The following AGPAT3 variants were observed in gnomAD, a reference collection of about 807,000 sequenced individuals.
AGPAT3 encodes the protein 1-acyl-sn-glycerol-3-phosphate acyltransferase gamma.
A neutral mutation model predicts 47.3 loss-of-function variants in AGPAT3; 5 were observed. That is an observed-to-expected ratio of 0.11 (90% CI 0.06 to 0.22). AGPAT3 has a LOEUF of 0.22. Ranked by LOEUF, AGPAT3 falls within the 10% of genes least tolerant of loss-of-function variation. The probability of loss-of-function intolerance (pLI) is 1.00; values close to 1 mark genes in which losing one functional copy is unlikely to be tolerated. For synonymous variants in AGPAT3, 212 were observed against 208.3 expected (o/e 1.02, Z -0.15); for missense variants, 315 against 493.0 (o/e 0.64, Z 3.42).
Position 43,985,659 on chromosome 21 carries a change from G to C in AGPAT3, c.*3267G>C, listed in dbSNP as rs1260841399. 2 of 205,932 alleles carry C rather than the reference G, an allele frequency of 9.7e-6. No homozygotes were observed. The highest frequency in any genetic ancestry group is 4.7e-5 in the African/African-American group (2 of 42,554). 12.8% of individuals were successfully genotyped at this position (205,932 alleles called of 1,614,324 possible). A position where few individuals can be genotyped will look rare whatever the true frequency, so the allele number is the denominator to read the frequency against. ...TGGGGTCAGATTTGGGGTGAAGAAT[G>C]AGTAAGTTTCTGCATGCTTTGTCTC... On this transcript the variant is annotated 3_prime_UTR_variant, in exon 10 of 10. Transcript: ENST00000291572.
At chr21:43,870,131 C>T (rs988515851) in intron 1 of AGPAT3, among the ~76,000 whole-genome samples, 1 of 152,196 alleles carries the variant, frequency 6.6e-6, no homozygotes, top group Non-Finnish European at 1.5e-5. Flanking sequence ...CCACAGCCGT[C>T]CTCCTTGGAC....
chr21:43,871,213 GA>G (rs1262138701), intron 1 of AGPAT3, among the ~76,000 whole-genome samples: 1 of 152,178 alleles, frequency 6.6e-6, no homozygotes, highest in Non-Finnish European at 1.5e-5. Flanking sequence ...TGCAGGAAGA[GA>G]GGGGGAAAAA....
In AGPAT3 at chr21:43,932,387, C is replaced by CGA. The variant is rs2087281251; in HGVS notation, c.-48-27247_-48-27246insGA. Among the ~76,000 whole-genome samples the CGA allele has an allele frequency of 6.6e-6, 1 of 152,178 alleles. No homozygotes were observed. Among genetic ancestry groups the CGA allele is most frequent in the Non-Finnish European group, 1.5e-5 (1 of 68,036 alleles). On this transcript the variant is annotated intron_variant, in intron 2 of 9. Coordinates refer to ENST00000291572, the MANE Select transcript of AGPAT3 (RefSeq NM_020132.5). This position sits in a 1 kb window ranked among gnomAD's most constrained non-coding sequence, Gnocchi z 5.2. ...TGTCGTTCTGTGACTGGCTGATTATCCACTTAGTGTCGGGTCTACCACGTT... is the reference window on the plus strand; with the variant it reads ...TGTCGTTCTGTGACTGGCTGATTATCGACACTTAGTGTCGGGTCTACCACGTT...
At chr21:43,963,054 G>A (rs2088953089) in intron 3 of AGPAT3, among the ~76,000 whole-genome samples, 1 of 152,190 alleles carries the variant, frequency 6.6e-6, no homozygotes, top group African/African-American at 2.4e-5. Flanking sequence ...AGTGAAAACT[G>A]TAGATATTTT....
chr21:43,872,638 A>G (rs2085646195), intron 1 of AGPAT3, among the ~76,000 whole-genome samples: 1 of 152,190 alleles, frequency 6.6e-6, no homozygotes, highest in African/African-American at 2.4e-5. Flanking sequence ...CATTCACGTC[A>G]TGTGGGAGTG....
At chr21:43,871,422 A>G (rs1252189489) in intron 1 of AGPAT3, among the ~76,000 whole-genome samples, 1 of 152,246 alleles carries the variant, frequency 6.6e-6, no homozygotes, top group Non-Finnish European at 1.5e-5. Flanking sequence ...AGATCTATGC[A>G]AAGATAAAGC....
chr21:43,947,819 A>G (rs2087974665), intron 2 of AGPAT3, among the ~76,000 whole-genome samples: 1 of 149,792 alleles, frequency 6.7e-6, no homozygotes, highest in Admixed American at 6.7e-5. Flanking sequence ...AATTTTTTGT[A>G]TTTTTAGTAG....
intron 2 of AGPAT3, among the ~76,000 whole-genome samples, chr21:43,904,877 G>A (rs749299929): frequency 2.0e-5 from 3 of 152,158 alleles, no homozygotes; most frequent in Non-Finnish European, 4.4e-5. Context: ...CATCCCTGAT[G>A]TTCCAAGGCT....
At chr21:43,898,179 A>G (rs1185676184) in intron 1 of AGPAT3, among the ~76,000 whole-genome samples, 5 of 152,194 alleles carry the variant, frequency 3.3e-5, no homozygotes, top group African/African-American at 1.2e-4. Context: ...TCTGACAACT[A>G]AAAAAATTTA....
At chr21:43,940,981 G>A (rs2838444) in intron 2 of AGPAT3, among the ~76,000 whole-genome samples, 41,917 of 152,160 alleles carry the variant, frequency 0.28, 6,843 homozygotes, top group South Asian at 0.37. Flanking sequence ...TCCAGTGCTC[G>A]TTGGTAAAAC....
intron 2 of AGPAT3, among the ~76,000 whole-genome samples, chr21:43,937,273 C>T (rs1051543108): frequency 2.0e-5 from 3 of 152,198 alleles, no homozygotes; most frequent in Non-Finnish European, 4.4e-5. Context: ...ATGTGTGAGT[C>T]CCAAAGGCCC....
In AGPAT3 at chr21:43,969,174, G is replaced by C; in HGVS notation, c.405G>C (p.Thr135=). The C allele has an allele frequency of 1.2e-6, 2 of 1,614,218 alleles. No homozygotes were observed. Among genetic ancestry groups the C allele is most frequent in the Non-Finnish European group, 1.7e-6 (2 of 1,180,030 alleles). The change falls in exon 5 of 10, where the codon ACG becomes ACC. Residue 135 remains threonine, a synonymous_variant. Coordinates refer to ENST00000291572, the MANE Select transcript of AGPAT3 (RefSeq NM_020132.5). ...TCTACGTGCCCCTCATCGGCTGGAC[G>C]TGGTACTTTCTGGAGATTGTGTTCT... The part of the protein sequence containing the change: ...ELLYVPLIGW[T]WYFLEIVFCK...
intron 2 of AGPAT3, among the ~76,000 whole-genome samples, chr21:43,936,845 C>T (rs1211351383): frequency 6.6e-6 from 1 of 152,234 alleles, no homozygotes; most frequent in Non-Finnish European, 1.5e-5. Flanking sequence ...AAAGGGCTTC[C>T]CTGTGTATTT....
At chr21:43,865,895 G>A (rs2085495300) in intron 1 of AGPAT3, among the ~76,000 whole-genome samples, 2 of 152,066 alleles carry the variant, frequency 1.3e-5, no homozygotes, top group African/African-American at 4.8e-5. Context: ...CACTTTTGCC[G>A]CTCCGCGCGG....
At chr21:43,918,203 G>GGTTGTGGGTGTTGTGGCGGTTGTGGGT (rs1569063647) in intron 2 of AGPAT3, among the ~76,000 whole-genome samples, 6 of 139,756 alleles carry the variant, frequency 4.3e-5, no homozygotes, top group African/African-American at 1.0e-4. Flanking sequence ...GGGTTGTGGA[G>GGTTGTGGGTGTTGTGGCGGTTGTGGGT]GTTGTGGGTG....
At chr21:43,971,148 G>T (rs77943855) in intron 6 of AGPAT3, among the ~76,000 whole-genome samples, 1 of 152,214 alleles carries the variant, frequency 6.6e-6, no homozygotes, top group African/African-American at 2.4e-5. Context: ...CACTCACAGC[G>T]TCAGTACCCA....
At position 43,896,938 on chromosome 21, in the gene AGPAT3, A is replaced by G. The variant is rs1347506501; in HGVS notation, c.-111-7019A>G. Among the ~76,000 whole-genome samples the G allele has an allele frequency of 3.5e-5, 4 of 114,966 alleles. No individual in the cohort carries two copies. In the Admixed American group the frequency reaches 3.7e-4, roughly 11 times the overall value. The allele number at this position is 114,966 out of a possible 152,430, so 75.4% of individuals were successfully genotyped here. Reference sequence around the variant, plus strand: ...GATCTTTTTTAAATTGAAGTTTGACAGTCCGTTTTTTTTTTTTTTTTTTTT... The same window carrying G: ...GATCTTTTTTAAATTGAAGTTTGACGGTCCGTTTTTTTTTTTTTTTTTTTT... On this transcript the variant is annotated intron_variant, in intron 1 of 9. Coordinates refer to ENST00000291572, the MANE Select transcript of AGPAT3 (RefSeq NM_020132.5).
Position 43,985,377 on chromosome 21 carries a change from G to A in AGPAT3, c.*2985G>A, listed in dbSNP as rs2030172906. 1 of 323,028 alleles carries A rather than the reference G, an allele frequency of 3.1e-6. No homozygotes were observed. The highest frequency in any genetic ancestry group is 6.1e-6 in the Non-Finnish European group (1 of 163,732). The allele number at this position is 323,028 out of a possible 1,614,324, so 20.0% of individuals were successfully genotyped here. On this transcript the variant is annotated 3_prime_UTR_variant, in exon 10 of 10. Transcript: ENST00000291572. ...TCACTAAATAACACAAAACAACAAT[G>A]TAAGCAGCACTTTCTTGTGTAAAAA... is the stretch of plus-strand genomic sequence containing the variant.
chr21:43,935,375 C>T (rs995057059), intron 2 of AGPAT3, among the ~76,000 whole-genome samples: 5 of 152,222 alleles, frequency 3.3e-5, no homozygotes, highest in Non-Finnish European at 4.4e-5. Flanking sequence ...GAGGCTGAGC[C>T]GGGGTCCCCA....
Sources: allele counts gnomAD v4.1 joint callset (sites outside exome capture counted in the v4.1 genomes callset), GRCh38; gene constraint gnomAD v4.1.1; non-coding constraint Gnocchi (gnomAD v3.1); transcripts MANE v1.5; gene names NCBI Gene and HGNC (gene_info 2026-07-23, HGNC 2026-07-21).